Variants in MEPE observed in about 807,000 individuals in gnomAD.
The protein encoded by MEPE is matrix extracellular phosphoglycoprotein, also known as matrix, extracellular phosphoglycoprotein with ASARM motif (bone).
Under a neutral mutation model 7.3 loss-of-function variants are expected in MEPE, and 7 were observed. The observed-to-expected ratio is 0.95, with a 90% confidence interval of 0.54 to 1.79. The LOEUF is 1.79. MEPE is among the 40% of genes most tolerant of loss of function. MEPE has a pLI of 0.00. For synonymous variants in MEPE, 214 were observed against 213.1 expected, an observed-to-expected ratio of 1.00 and a Z score of -0.04; for missense variants, 623 against 628.2, an observed-to-expected ratio of 0.99 and a Z score of 0.09.
Position 87,846,180 on chromosome 4 carries a change from A to G in MEPE, c.1312A>G (p.Ile438Val), listed in dbSNP as rs767167993. ...PSKGKSQGLPIPSRGLDNEIK... is the reference protein window; with the variant it reads ...PSKGKSQGLPVPSRGLDNEIK... ...TAAGGGCAAAAGTCAGGGCCTGCCC[A>G]TTCCTTCTCGTGGTCTTGATAATGA... The change falls in exon 4 of 4, where the codon ATT becomes GTT. Residue 438 changes from isoleucine to valine, a missense_variant. By Grantham distance (29) the Ile-to-Val change is conservative (BLOSUM62 3). Transcript: ENST00000361056. The G allele has an allele frequency of 6.2e-7, 1 of 1,613,962 alleles. No individual in the cohort carries two copies. Among genetic ancestry groups the G allele is most frequent in the Non-Finnish European group, 8.5e-7 (1 of 1,179,990 alleles).
chr4:87,829,906 T>C (rs1470859169), upstream of MEPE, among the ~76,000 whole-genome samples: 1 of 146,636 alleles, frequency 6.8e-6, no homozygotes, highest in Admixed American at 6.9e-5. Flanking sequence ...ATTCTGGTCA[T>C]GGATACTGTG....
At chr4:87,835,999 C>T (rs961932628) in intron 2 of MEPE, among the ~76,000 whole-genome samples, 1 of 151,904 alleles carries the variant, frequency 6.6e-6, no homozygotes, top group Non-Finnish European at 1.5e-5. Flanking sequence ...CATTACAGGG[C>T]CACATTCAAG....
At chr4:87,842,046 T>A (rs536456028) in intron 3 of MEPE, among the ~76,000 whole-genome samples, 19 of 152,360 alleles carry the variant, frequency 1.2e-4, no homozygotes, top group Non-Finnish European at 2.4e-4. Context: ...ATTTTTATTT[T>A]ACAGCTAAAA....
upstream of MEPE, among the ~76,000 whole-genome samples, chr4:87,832,427 A>C (rs1722623642): frequency 6.6e-6 from 1 of 152,138 alleles, no homozygotes; most frequent in African/African-American, 2.4e-5. Flanking sequence ...CCTTAGACTT[A>C]GTATATGTCA....
In MEPE at chr4:87,845,923, G is replaced by A. The variant is rs1393965978; in HGVS notation, c.1055G>A (p.Gly352Glu). 11 of 1,613,890 alleles carry A rather than the reference G, an allele frequency of 6.8e-6. No individual in the cohort carries two copies. Among genetic ancestry groups the A allele is most frequent in the Admixed American group, 3.3e-5 (2 of 59,956 alleles). Reference sequence around the variant, plus strand: ...AGTACCAATTTTAAGGAGCTCCCTGGAAGAGAAGGAAACAGAGTGGATGCT... The same window carrying A: ...AGTACCAATTTTAAGGAGCTCCCTGAAAGAGAAGGAAACAGAGTGGATGCT... ...MGSTNFKELP[G>E]REGNRVDAGS... is the part of the protein sequence containing the mutation. The change falls in exon 4 of 4, where the codon GGA becomes GAA. Residue 352 changes from glycine to glutamate, a missense_variant. Coordinates refer to ENST00000361056, the MANE Select transcript of MEPE (RefSeq NM_020203.6).
At chr4:87,830,837 G>A (rs1253337974), upstream of MEPE, among the ~76,000 whole-genome samples, 3 of 147,472 alleles carry the variant, frequency 2.0e-5, no homozygotes, top group Middle Eastern at 6.9e-3. Context: ...AAAAAAAAAA[G>A]AGAGAGTTAG....
At chr4:87,838,605 G>A (rs780226197) in intron 2 of MEPE, 27 bp from the exon 3 acceptor site, 2 of 1,607,328 alleles carry the variant, frequency 1.2e-6, no homozygotes, top group Non-Finnish European at 1.7e-6. Context: ...TCTAGTGGGT[G>A]AAGTTTTGTT....
rs775416777 is a variant in MEPE at position 87,846,155 on chromosome 4, T to C, written c.1287T>C (p.Ser429=). 6.2e-6 allele frequency: 10 copies of C among 1,613,930 alleles called. No homozygotes were observed. Among genetic ancestry groups the C allele is most frequent in the Middle Eastern group, 1.6e-4 (1 of 6,082 alleles). ...ATLNEKQRFP[S]KGKSQGLPIP... ...TAAATGAAAAACAAAGGTTTCCTAG[T>C]AAGGGCAAAAGTCAGGGCCTGCCCA... The change falls in exon 4 of 4, where the codon AGT becomes AGC. Residue 429 remains serine, a synonymous_variant. Transcript: ENST00000361056.
At chr4:87,842,638 C>A (rs1286662808) in intron 3 of MEPE, among the ~76,000 whole-genome samples, 1 of 152,138 alleles carries the variant, frequency 6.6e-6, no homozygotes, top group East Asian at 1.9e-4. Context: ...GTAGTGTCAA[C>A]CTGGAGAAGA....
chr4:87,822,084 TA>T (rs34883445), intron 1 of MEPE, among the ~76,000 whole-genome samples: 50,189 of 151,534 alleles, frequency 0.33, 8,589 homozygotes, highest in South Asian at 0.36. Context: ...GTCTTGGCTT[TA>T]AAAAAAAATG....
intron 2 of MEPE, among the ~76,000 whole-genome samples, chr4:87,835,452 G>A (rs918630739): frequency 2.0e-5 from 3 of 152,184 alleles, no homozygotes; most frequent in African/African-American, 4.8e-5. Context: ...GATAATGTCT[G>A]AGCAGCATCC....
intron 3 of MEPE, chr4:87,840,055 G>T (rs912394289): frequency 6.5e-6 from 10 of 1,534,896 alleles, no homozygotes; most frequent in Non-Finnish European, 8.7e-6. Context: ...TGGACCTCAG[G>T]TGCCCATGGA....
At chr4:87,831,954 A>T (rs1578053844), upstream of MEPE, among the ~76,000 whole-genome samples, 1 of 152,200 alleles carries the variant, frequency 6.6e-6, no homozygotes, top group East Asian at 1.9e-4. Flanking sequence ...TTTATAAAAA[A>T]CAGAAATTTA....
intron 3 of MEPE, among the ~76,000 whole-genome samples, chr4:87,842,591 G>A (rs1036234339): frequency 6.6e-6 from 1 of 152,168 alleles, no homozygotes; most frequent in African/African-American, 2.4e-5. Flanking sequence ...ATAATCAGGT[G>A]ATGGGTCTGA....
At chr4:87,828,169 T>C (rs78711915), upstream of MEPE, among the ~76,000 whole-genome samples, 659 of 152,286 alleles carry the variant, frequency 4.3e-3, 5 homozygotes, top group African/African-American at 0.015. Flanking sequence ...AATCTAAGCA[T>C]CTGTATGGTA....
Position 87,845,538 on chromosome 4 carries a change from A to G in MEPE, c.670A>G (p.Lys224Glu), listed in dbSNP as rs1723196887. The G allele has an allele frequency of 6.2e-7, 1 of 1,612,484 alleles. No homozygotes were observed. The highest frequency in any genetic ancestry group is 8.5e-7 in the Non-Finnish European group (1 of 1,179,614). ...TATTCAACACAACATTGACTACCTA[A>G]AACATCTCTCAAAAGTCAAAAAAAT... is the stretch of plus-strand genomic sequence containing the variant. Reference protein sequence around the residue: ...HRIQHNIDYLKHLSKVKKIPS... With the variant: ...HRIQHNIDYLEHLSKVKKIPS... The change falls in exon 4 of 4, where the codon AAA (lysine) becomes GAA (glutamate). Residue 224 changes from lysine (K) to glutamate (E), a missense_variant. Transcript: ENST00000361056.
chr4:87,827,063 CT>C (rs1476729461), intron 1 of MEPE, among the ~76,000 whole-genome samples: 1 of 152,140 alleles, frequency 6.6e-6, no homozygotes, highest in Admixed American at 6.5e-5. Flanking sequence ...GAAGTCCAGC[CT>C]ATTCTGCAGG....
chr4:87,824,714 T>C (rs1406806785), intron 1 of MEPE, among the ~76,000 whole-genome samples: 1 of 152,236 alleles, frequency 6.6e-6, no homozygotes, highest in Non-Finnish European at 1.5e-5. Flanking sequence ...CTTTTCTTTG[T>C]GTTTTTTTTG....
At chr4:87,823,611 G>A (rs1168367486) in intron 1 of MEPE, among the ~76,000 whole-genome samples, 1 of 152,150 alleles carries the variant, frequency 6.6e-6, no homozygotes, top group Non-Finnish European at 1.5e-5. Flanking sequence ...GTCTATTTCA[G>A]CAGTAAGAAA....
Sources: gnomAD v4.1 joint callset for allele counts (sites outside exome capture counted in the v4.1 genomes callset) on GRCh38, gnomAD v4.1.1 for gene constraint, MANE v1.5 for transcripts, NCBI Gene and HGNC (gene_info 2026-07-23, HGNC 2026-07-21) for gene names.